HECW1: variants seen among roughly 807,000 people sequenced by gnomAD.
HECW1 encodes the protein E3 ubiquitin-protein ligase HECW1.
A neutral mutation model predicts 182.3 loss-of-function variants in HECW1; 61 were observed. That is an observed-to-expected ratio of 0.33 (90% CI 0.27 to 0.41). The LOEUF (loss-of-function observed/expected upper bound fraction) is 0.41, where lower values mean the gene tolerates loss of function less well. Ranked by LOEUF, HECW1 falls within the 10% of genes least tolerant of loss-of-function variation. The pLI, the probability that HECW1 is intolerant of heterozygous loss-of-function variation, is 1.00. For missense variants in HECW1, 1,739 were observed against 2,108.9 expected, an observed-to-expected ratio of 0.82 and a Z score of 3.44; for synonymous variants, 859 against 832.6, an observed-to-expected ratio of 1.03 and a Z score of -0.55.
intron 9 of HECW1, 25 bp downstream of exon 9, chr7:43,438,170 T>C (rs1219639303): frequency 6.2e-7 from 1 of 1,604,118 alleles, no homozygotes; most frequent in East Asian, 2.2e-5. Context: ...GAGATCTTAC[T>C]ATCACTAGGT....
intron 6 of HECW1, among the ~76,000 whole-genome samples, chr7:43,379,406 A>G (rs1299521748): frequency 6.6e-6 from 1 of 152,134 alleles, no homozygotes; most frequent in Non-Finnish European, 1.5e-5. Flanking sequence ...CCATTTGCAC[A>G]TGGGATCCCA....
At chr7:43,309,314 G>A (rs2152770473) in intron 3 of HECW1, among the ~76,000 whole-genome samples, 1 of 152,278 alleles carries the variant, frequency 6.6e-6, no homozygotes, top group East Asian at 1.9e-4. Flanking sequence ...AGGGTGGGGT[G>A]CAAGGGACGG....
At position 43,236,954 on chromosome 7, in the gene HECW1, C is replaced by T. The variant is rs117096403; in HGVS notation, c.-31-6921C>T. 7.6e-3 allele frequency among the ~76,000 whole-genome samples: 1,160 copies of T among 151,684 alleles called. 10 individuals carry two copies. The highest frequency in any genetic ancestry group is 0.011 in the Admixed American group (170 of 15,246). ...CCTTGGCTTAGTGATTTGGGGGTCC[C>T]GAGATTTATTTTCCTTTCACAATAG... On this transcript the variant is annotated intron_variant, in intron 2 of 29. Transcript: ENST00000395891.
At chr7:43,409,852 C>T (rs1397285501) in intron 8 of HECW1, among the ~76,000 whole-genome samples, 1 of 152,242 alleles carries the variant, frequency 6.6e-6, no homozygotes, top group Non-Finnish European at 1.5e-5. Flanking sequence ...GTGTCAATGT[C>T]ATAGCTCCTC....
chr7:43,328,089 G>A (rs1414250297), intron 5 of HECW1, among the ~76,000 whole-genome samples: 1 of 151,628 alleles, frequency 6.6e-6, no homozygotes, highest in Admixed American at 6.6e-5. Flanking sequence ...AGGAAGTGGC[G>A]GAAGGATCAC....
intron 6 of HECW1, among the ~76,000 whole-genome samples, chr7:43,382,742 A>G (rs1028844958): frequency 6.6e-6 from 1 of 152,210 alleles, no homozygotes; most frequent in African/African-American, 2.4e-5. Context: ...TGGATTGCAC[A>G]TAGTTCAAAA....
At chr7:43,330,836 G>A (rs1226194786) in intron 5 of HECW1, among the ~76,000 whole-genome samples, 2 of 152,152 alleles carry the variant, frequency 1.3e-5, no homozygotes, top group Non-Finnish European at 1.5e-5. Context: ...GGAGTGGTTG[G>A]TGACCCTCTG....
intron 3 of HECW1, among the ~76,000 whole-genome samples, chr7:43,308,057 AAC>A (rs1370455970): frequency 1.8e-5 from 2 of 113,494 alleles, no homozygotes; most frequent in Non-Finnish European, 3.3e-5. Context: ...TATATAATAC[AAC>A]ATATAATATA....
At chr7:43,511,251 G>C (rs927393006) in intron 24 of HECW1, 1 of 152,212 alleles carries the variant, frequency 6.6e-6, no homozygotes, top group African/African-American at 2.4e-5. Context: ...CTCATGTGGA[G>C]AGTATTTGTG....
At chr7:43,336,132 C>CTCTCTCTCTCTCTCTCTT (rs1562853626) in intron 5 of HECW1, among the ~76,000 whole-genome samples, 4 of 95,664 alleles carry the variant, frequency 4.2e-5, no homozygotes, top group African/African-American at 1.9e-4. Flanking sequence ...CTTTCTCTCT[C>CTCTCTCTCTCTCTCTCTT]TCTCTCTCTC....
In HECW1 at chr7:43,545,603, A is replaced by T. The variant is rs2081529126; in HGVS notation, c.4248+3605A>T. Among the ~76,000 whole-genome samples the T allele has an allele frequency of 3.9e-5, 6 of 152,338 alleles. No individual in the cohort carries two copies. In the South Asian group the frequency reaches 1.2e-3, roughly 32 times the overall value. On this transcript the variant is annotated intron_variant, in intron 26 of 29. Transcript: ENST00000395891. ...ACTAGAAGTCTTATTAATAACAAAA[A>T]TGGTCAATTAACAAATATTTTGTAG...
intron 24 of HECW1, among the ~76,000 whole-genome samples, chr7:43,537,951 G>A (rs746694217): frequency 2.6e-5 from 4 of 152,128 alleles, no homozygotes; most frequent in Admixed American, 1.3e-4. Context: ...AGGAAACCCC[G>A]TCGCCACACC....
intron 2 of HECW1, among the ~76,000 whole-genome samples, chr7:43,162,142 C>T (rs546592946): frequency 1.1e-4 from 17 of 152,230 alleles, no homozygotes; most frequent in Non-Finnish European, 1.5e-4. Flanking sequence ...TACTTTTTTT[C>T]GTTTCCTTGT....
chr7:43,430,588 T>TCC (rs1227856171), intron 8 of HECW1, among the ~76,000 whole-genome samples: 15 of 152,152 alleles, frequency 9.9e-5, no homozygotes, highest in Admixed American at 4.6e-4. Context: ...CAGAGCTGTT[T>TCC]AAGCCGATTT....
intron 2 of HECW1, among the ~76,000 whole-genome samples, chr7:43,236,832 G>A (rs1234720158): frequency 2.0e-5 from 3 of 152,150 alleles, no homozygotes; most frequent in Non-Finnish European, 4.4e-5. Context: ...CACATTATGA[G>A]GGAGTTGTGT....
At chr7:43,249,426 C>A (rs536049594) in intron 3 of HECW1, 1 of 152,410 alleles carries the variant, frequency 6.6e-6, no homozygotes, top group Admixed American at 6.5e-5. Context: ...TCTGAGCCTG[C>A]ACTTTAAGAA....
intron 2 of HECW1, among the ~76,000 whole-genome samples, chr7:43,115,942 T>A (rs1785009266): frequency 6.6e-6 from 1 of 152,160 alleles, no homozygotes; most frequent in Non-Finnish European, 1.5e-5. Flanking sequence ...AAGGACATGT[T>A]TATATTCATC....
intron 2 of HECW1, among the ~76,000 whole-genome samples, chr7:43,128,830 C>G (rs1786572610): frequency 6.6e-6 from 1 of 151,896 alleles, no homozygotes. Flanking sequence ...CTTTGGAAGA[C>G]ATTGGTTGCA....
At chr7:43,512,436 T>G (rs1021905274) in intron 24 of HECW1, among the ~76,000 whole-genome samples, 5 of 152,252 alleles carry the variant, frequency 3.3e-5, no homozygotes, top group African/African-American at 7.2e-5. Context: ...AGAAATTTTA[T>G]TCTCTAGTGA....
Sources: allele counts gnomAD v4.1 joint callset (sites outside exome capture counted in the v4.1 genomes callset), GRCh38; gene constraint gnomAD v4.1.1; transcripts MANE v1.5; gene names NCBI Gene and HGNC (gene_info 2026-07-23, HGNC 2026-07-21).